Variants in ADCY8 observed in about 807,000 individuals in gnomAD.
The protein encoded by ADCY8 is adenylate cyclase type 8.
In ADCY8, 51 loss-of-function variants were observed where a neutral mutation model predicts 119.7. The observed-to-expected ratio is 0.43, with a 90% CI of 0.34 to 0.54. The LOEUF is 0.54. ADCY8 is among the 20% of genes least tolerant of loss of function. ADCY8 has a pLI of 0.03. For synonymous variants in ADCY8, 665 were observed against 651.0 expected, an observed-to-expected ratio of 1.02 and a Z score of -0.33; for missense variants, 1,383 against 1,598.8, an observed-to-expected ratio of 0.87 and a Z score of 2.30.
chr8:131,031,940 T>C (rs1824010314), intron 1 of ADCY8, among the ~76,000 whole-genome samples: 1 of 152,228 alleles, frequency 6.6e-6, no homozygotes, highest in African/African-American at 2.4e-5. Context: ...CTTAGTAGTT[T>C]CTATTTTATA....
intron 3 of ADCY8, among the ~76,000 whole-genome samples, chr8:130,947,592 A>C (rs938425695): frequency 2.0e-5 from 3 of 152,210 alleles, no homozygotes; most frequent in African/African-American, 7.2e-5. Context: ...TAGTGATCAC[A>C]CATGTTGACA....
Position 131,008,544 on chromosome 8 carries a change from A to C in ADCY8, c.961-18002T>G, listed in dbSNP as rs140129781. ...AGCCAGCCATGTGGAACTGTGAGTC[A>C]ATTAAGCCTCTTTTCTTTATAAATT... is the stretch of plus-strand genomic sequence containing the variant. On this transcript the variant is annotated intron_variant, in intron 1 of 17. Transcript: ENST00000286355. 6.9e-3 allele frequency among the ~76,000 whole-genome samples: 1,055 copies of C among 152,276 alleles called. 17 individuals are homozygous for C. The highest frequency in any genetic ancestry group is 0.023 in the African/African-American group (974 of 41,548).
chr8:130,828,274 A>C (rs974100410), intron 12 of ADCY8, among the ~76,000 whole-genome samples: 6 of 152,194 alleles, frequency 3.9e-5, no homozygotes, highest in African/African-American at 1.4e-4. Flanking sequence ...GCAATGTCAT[A>C]GTAACTAGGC....
intron 5 of ADCY8, 122 bp downstream of exon 5, chr8:130,936,951 G>A: frequency 8.0e-7 from 1 of 1,251,260 alleles, no homozygotes; most frequent in Non-Finnish European, 1.1e-6. Context: ...CACAGTTTTT[G>A]TGAAATAAGT....
At chr8:130,793,896 TCA>T (rs1383808102) in intron 15 of ADCY8, among the ~76,000 whole-genome samples, 2 of 152,236 alleles carry the variant, frequency 1.3e-5, no homozygotes, top group Admixed American at 1.3e-4. Context: ...ATTCATGTCC[TCA>T]CAGACTCTCA....
At chr8:130,787,161 C>G (rs12679904) in intron 15 of ADCY8, among the ~76,000 whole-genome samples, 19,812 of 151,988 alleles carry the variant, frequency 0.13, 1,725 homozygotes, top group East Asian at 0.33. Context: ...AGAGTAGTGA[C>G]AAGCACTGAA....
intron 8 of ADCY8, among the ~76,000 whole-genome samples, chr8:130,884,331 T>A (rs942368926): frequency 5.9e-5 from 9 of 152,278 alleles, no homozygotes; most frequent in Admixed American, 4.6e-4. Context: ...GTTCTTTGAG[T>A]CTTCTTTTCC....
chr8:130,802,996 G>T (rs759548921), intron 14 of ADCY8, among the ~76,000 whole-genome samples: 1 of 152,056 alleles, frequency 6.6e-6, no homozygotes, highest in Non-Finnish European at 1.5e-5. Flanking sequence ...GTAACTAATC[G>T]GATGATGCAT....
intron 1 of ADCY8, among the ~76,000 whole-genome samples, chr8:131,004,277 C>G (rs1823045126): frequency 6.6e-6 from 1 of 152,152 alleles, no homozygotes; most frequent in Non-Finnish European, 1.5e-5. Flanking sequence ...GATCTGCCTC[C>G]CAACACCCTC....
intron 7 of ADCY8, 30 bp downstream of exon 7, chr8:130,903,742 G>A (rs764000859): frequency 6.2e-7 from 1 of 1,607,920 alleles, no homozygotes; most frequent in Admixed American, 1.7e-5. Context: ...TGCATTCATG[G>A]CCAAGCAGAA....
At chr8:130,795,186 G>A (rs543497465) in intron 15 of ADCY8, among the ~76,000 whole-genome samples, 79 of 152,328 alleles carry the variant, frequency 5.2e-4, no homozygotes, top group African/African-American at 1.9e-3. Context: ...TGCCTCCGTC[G>A]ATCATCTGTT....
chr8:130,900,318 C>T (rs1299827211), intron 7 of ADCY8, among the ~76,000 whole-genome samples: 4 of 152,072 alleles, frequency 2.6e-5, no homozygotes, highest in African/African-American at 9.7e-5. Flanking sequence ...ACATAAGGGG[C>T]CACAGATAAT....
chr8:130,808,977 C>T (rs1333972468), intron 14 of ADCY8, among the ~76,000 whole-genome samples: 3 of 152,134 alleles, frequency 2.0e-5, no homozygotes, highest in Non-Finnish European at 4.4e-5. Flanking sequence ...ATACTCAGGC[C>T]GGACCTCCAG....
chr8:130,966,551 C>T (rs1250347063), intron 2 of ADCY8, among the ~76,000 whole-genome samples: 1 of 152,196 alleles, frequency 6.6e-6, no homozygotes, highest in East Asian at 1.9e-4. Context: ...AGGCAAATAC[C>T]TAACCCAGAC....
intron 1 of ADCY8, among the ~76,000 whole-genome samples, chr8:131,014,965 T>C (rs905222793): frequency 6.6e-6 from 1 of 152,228 alleles, no homozygotes; most frequent in African/African-American, 2.4e-5. Flanking sequence ...TCATTTATTG[T>C]ACAAAATGGG....
chr8:130,959,136 G>T (rs976676898), intron 2 of ADCY8, among the ~76,000 whole-genome samples: 2 of 152,124 alleles, frequency 1.3e-5, no homozygotes, highest in East Asian at 1.9e-4. Context: ...AACCCTTATT[G>T]TATTACCGGT....
intron 11 of ADCY8, among the ~76,000 whole-genome samples, chr8:130,842,162 A>T (rs1337670519): frequency 6.6e-6 from 1 of 152,150 alleles, no homozygotes; most frequent in South Asian, 2.1e-4. Flanking sequence ...GCTGTTATTC[A>T]TATCATTGTC....
chr8:131,023,557 C>G (rs1823738900), intron 1 of ADCY8, among the ~76,000 whole-genome samples: 1 of 152,216 alleles, frequency 6.6e-6, no homozygotes, highest in Non-Finnish European at 1.5e-5. Flanking sequence ...AGTGCTTAGT[C>G]TAGTTTGAAA....
intron 2 of ADCY8, among the ~76,000 whole-genome samples, chr8:130,953,499 C>A (rs575051948): frequency 1.8e-3 from 271 of 152,174 alleles, no homozygotes; most frequent in African/African-American, 6.1e-3. Flanking sequence ...GTTAATCAAG[C>A]GGCAGTTGCA....
Sources: gnomAD v4.1 joint callset for allele counts (sites outside exome capture counted in the v4.1 genomes callset) on GRCh38, gnomAD v4.1.1 for gene constraint, MANE v1.5 for transcripts, NCBI Gene and HGNC (gene_info 2026-07-23, HGNC 2026-07-21) for gene names.